HLCS: variants seen among roughly 807,000 people sequenced by gnomAD.
The protein encoded by HLCS is biotin--protein ligase.
HLCS carries 53 observed loss-of-function variants against 75.0 expected under a neutral mutation model. That is an observed-to-expected ratio of 0.71 (90% confidence interval 0.57 to 0.89). The LOEUF is 0.89. Ranked by LOEUF, HLCS falls within the 40% of genes least tolerant of loss-of-function variation. HLCS has a pLI of 0.00. For missense variants in HLCS, 966 were observed against 1,074.0 expected, an observed-to-expected ratio of 0.90 and a Z score of 1.41; for synonymous variants, 431 against 428.6, an observed-to-expected ratio of 1.01 and a Z score of -0.07.
chr21:36,875,609 C>T (rs1008326107), intron 6 of HLCS, among the ~76,000 whole-genome samples: 3 of 152,212 alleles, frequency 2.0e-5, no homozygotes, highest in Non-Finnish European at 2.9e-5. Flanking sequence ...GGACACTCAT[C>T]GGGACGATCT....
chr21:36,905,195 C>T (rs75724147), intron 5 of HLCS, among the ~76,000 whole-genome samples: 19 of 152,272 alleles, frequency 1.2e-4, no homozygotes, highest in East Asian at 1.2e-3. Flanking sequence ...TTGCTCCCAA[C>T]GGTATCCATG....
intron 5 of HLCS, among the ~76,000 whole-genome samples, chr21:36,898,202 T>C (rs1241506404): frequency 6.6e-6 from 1 of 152,008 alleles, no homozygotes; most frequent in Non-Finnish European, 1.5e-5. Flanking sequence ...TCCCAGCACT[T>C]TGGGAGGCCC....
chr21:36,830,858 G>T, intron 6 of HLCS, among the ~76,000 whole-genome samples: 1 of 148,900 alleles, frequency 6.7e-6, no homozygotes, highest in Non-Finnish European at 1.5e-5. Context: ...GTAGACACAG[G>T]TGATCCCTAC....
At chr21:36,786,352 A>G (rs1374339327) in intron 6 of HLCS, among the ~76,000 whole-genome samples, 1 of 152,046 alleles carries the variant, frequency 6.6e-6, no homozygotes, top group African/African-American at 2.4e-5. Flanking sequence ...ACGCTCAAAT[A>G]AGGAAGGGCT....
intron 10 of HLCS, among the ~76,000 whole-genome samples, chr21:36,755,258 G>A (rs1050276493): frequency 4.6e-5 from 7 of 151,604 alleles, no homozygotes; most frequent in Non-Finnish European, 7.4e-5. Context: ...TTAAATTAGC[G>A]GGCCGTGTGG....
intron 5 of HLCS, among the ~76,000 whole-genome samples, chr21:36,906,558 G>A (rs558026033): frequency 6.6e-6 from 1 of 152,104 alleles, no homozygotes; most frequent in South Asian, 2.1e-4. Flanking sequence ...AATTAAAGAG[G>A]CTGTAAATAA....
intron 6 of HLCS, among the ~76,000 whole-genome samples, chr21:36,829,472 T>C (rs796899816): frequency 1.3e-5 from 2 of 152,348 alleles, no homozygotes; most frequent in African/African-American, 4.8e-5. Context: ...ATACAGATGA[T>C]ACTTATTACA....
At chr21:36,956,750 A>T (rs1444609598) in intron 2 of HLCS, among the ~76,000 whole-genome samples, 3 of 151,752 alleles carry the variant, frequency 2.0e-5, no homozygotes, top group Non-Finnish European at 4.4e-5. Context: ...AAATAAATAA[A>T]AAATAAATAA....
chr21:36,781,259 C>CAAAA (rs34115036), intron 6 of HLCS, among the ~76,000 whole-genome samples: 1 of 114,068 alleles, frequency 8.8e-6, no homozygotes, highest in African/African-American at 3.3e-5. Flanking sequence ...AACTCTGTCT[C>CAAAA]AAAAAAAAAA....
intron 3 of HLCS, among the ~76,000 whole-genome samples, chr21:36,937,923 C>T (rs1247462908): frequency 6.6e-6 from 1 of 152,100 alleles, no homozygotes; most frequent in Non-Finnish European, 1.5e-5. Context: ...TGAGCACTTG[C>T]TACATGTCGG....
At chr21:36,825,676 T>C (rs2061985482) in intron 6 of HLCS, among the ~76,000 whole-genome samples, 1 of 152,222 alleles carries the variant, frequency 6.6e-6, no homozygotes, top group Non-Finnish European at 1.5e-5. Flanking sequence ...GGCAGAGCAC[T>C]GGTGGCTGAT....
chr21:36,970,133 C>T (rs748165062), upstream of HLCS, among the ~76,000 whole-genome samples: 1 of 152,198 alleles, frequency 6.6e-6, no homozygotes, highest in Non-Finnish European at 1.5e-5. Context: ...AGAACTTCCC[C>T]AGGGAAAGCC....
rs186211491 is a variant in HLCS, at chr21:36,768,570, A to G, written c.1893-1285T>C. 2.0e-3 allele frequency among the ~76,000 whole-genome samples: 306 copies of G among 152,350 alleles called. 1 individual carries two copies. The highest frequency in any genetic ancestry group is 3.6e-3 in the Non-Finnish European group (243 of 68,040). On this transcript the variant is annotated intron_variant, in intron 6 of 10. Coordinates refer to ENST00000674895, the MANE Select transcript of HLCS (RefSeq NM_001352514.2). ...ACAGAAGGAGCCCAGAAGACCCTTC[A>G]CGTGTTAAAAAGACCTCAGGACACA... is the stretch of plus-strand genomic sequence containing the variant.
At chr21:36,879,928 A>G (rs1350354225) in intron 6 of HLCS, among the ~76,000 whole-genome samples, 2 of 152,006 alleles carry the variant, frequency 1.3e-5, no homozygotes, top group East Asian at 3.9e-4. Flanking sequence ...AAAAAAAAAA[A>G]AAAGAGCTCA....
intron 6 of HLCS, among the ~76,000 whole-genome samples, chr21:36,866,222 A>G (rs200258816): frequency 6.6e-6 from 1 of 152,058 alleles, no homozygotes; most frequent in African/African-American, 2.4e-5. Context: ...GGGAATGGTA[A>G]GGGAAGGGCA....
At chr21:36,946,133 C>T (rs1431534655) in intron 2 of HLCS, 2 of 984,944 alleles carry the variant, frequency 2.0e-6, no homozygotes, top group East Asian at 1.1e-4. Context: ...ACCACATCAT[C>T]CCTAGTGGGC....
rs988118866 is a variant in HLCS at position 36,958,713 on chromosome 21, C to T, written c.330+3323G>A. The stretch of plus-strand genomic sequence containing the variant: ...GTGAGGCAGGAGAATTGCTTGAACC[C>T]GGGAGGTGGAGGTTGCAGTGAGCTG... On this transcript the variant is annotated intron_variant, in intron 2 of 10. Coordinates refer to ENST00000674895, the MANE Select transcript of HLCS (RefSeq NM_001352514.2). Among the ~76,000 whole-genome samples, 4 of 151,742 alleles carry T rather than the reference C, an allele frequency of 2.6e-5. 1 individual carries two copies. Among genetic ancestry groups the T allele is most frequent in the South Asian group, 4.2e-4 (2 of 4,796 alleles).
chr21:36,759,678 A>T (rs374957099), intron 9 of HLCS, 49 bp downstream of exon 9: 1 of 1,069,188 alleles, frequency 9.4e-7, no homozygotes, highest in Non-Finnish European at 1.5e-6. Flanking sequence ...CTTTATTTTT[A>T]TTGTTTTATT....
intron 6 of HLCS, among the ~76,000 whole-genome samples, chr21:36,839,626 CA>C (rs1379264646): frequency 6.6e-6 from 1 of 152,136 alleles, no homozygotes; most frequent in Non-Finnish European, 1.5e-5. Context: ...ACACAAAATA[CA>C]GGCAAAAGAA....
Sources: allele counts gnomAD v4.1 joint callset (sites outside exome capture counted in the v4.1 genomes callset), GRCh38; gene constraint gnomAD v4.1.1; transcripts MANE v1.5; gene names NCBI Gene and HGNC (gene_info 2026-07-23, HGNC 2026-07-21).